Variants in IFT122 observed in about 807,000 individuals in gnomAD.
The protein encoded by IFT122 is intraflagellar transport 122.
In IFT122, 118 loss-of-function variants were observed where a neutral mutation model predicts 161.6. The ratio of observed to expected loss-of-function variants is 0.73; its 90% CI spans 0.63 to 0.85. IFT122 has a LOEUF of 0.85. IFT122 is among the 40% of genes least tolerant of loss of function. IFT122 has a pLI of 0.00. For missense variants in IFT122, 1,381 were observed against 1,579.6 expected (o/e 0.87, Z 2.13); for synonymous variants, 550 against 602.4 (o/e 0.91, Z 1.27).
At chr3:129,469,293 A>G (rs1024705335) in intron 8 of IFT122, 49 bp from the exon 9 acceptor site, 1 of 1,483,134 alleles carries the variant, frequency 6.7e-7, no homozygotes, top group Non-Finnish European at 9.4e-7. Flanking sequence ...AGCTATACTC[A>G]TCAGCAGGCT....
At chr3:129,479,327 C>T (rs1413033834) in intron 12 of IFT122, among the ~76,000 whole-genome samples, 2 of 151,108 alleles carry the variant, frequency 1.3e-5, no homozygotes, top group East Asian at 1.9e-4. Flanking sequence ...GTCCCAGCTA[C>T]TTGGGAGGCT....
intron 13 of IFT122, 143 bp downstream of exon 13, chr3:129,480,065 T>G (rs2078455832): frequency 1.8e-6 from 2 of 1,087,916 alleles, no homozygotes; most frequent in African/African-American, 3.1e-5. Context: ...GCAGCCTGAG[T>G]TCAGTTTTTT....
chr3:129,456,280 T>G, intron 3 of IFT122: 1 of 1,249,260 alleles, frequency 8.0e-7, no homozygotes, highest in South Asian at 1.3e-5. Context: ...AGCAGTTTCT[T>G]TGTTTATTTA....
intron 26 of IFT122, among the ~76,000 whole-genome samples, chr3:129,516,294 ACACACACACACACAGAGACTGCCCCTG>A (rs1173016231): frequency 3.1e-5 from 4 of 127,696 alleles, no homozygotes; most frequent in African/African-American, 1.3e-4. Context: ...CTGCACACAC[ACACACACACACACAGAGACTGCCCCTG>A]CACACACACA....
intron 1 of IFT122, among the ~76,000 whole-genome samples, chr3:129,446,656 A>G (rs556495210): frequency 1.3e-5 from 2 of 152,286 alleles, no homozygotes; most frequent in East Asian, 3.9e-4. Flanking sequence ...TTGAAGTCTC[A>G]TGTTTCACTA....
chr3:129,519,485 A>G, intron 28 of IFT122, 83 bp from the exon 29 acceptor site: 1 of 1,577,022 alleles, frequency 6.3e-7, no homozygotes, highest in African/African-American at 1.3e-5. Flanking sequence ...CACCACTGCC[A>G]AAGATTCCAG....
intron 13 of IFT122, chr3:129,481,301 C>T: frequency 1.9e-6 from 1 of 520,394 alleles, no homozygotes; most frequent in East Asian, 3.7e-5. Flanking sequence ...TGTCTCAGGG[C>T]TGTCATTACT....
intron 12 of IFT122, 106 bp from the exon 13 acceptor site, chr3:129,479,679 G>T: frequency 7.4e-7 from 1 of 1,355,226 alleles, no homozygotes; most frequent in Non-Finnish European, 1.1e-6. Context: ...GATGGATACT[G>T]AATGTGTAGG....
chr3:129,478,518 A>G (rs986821083), intron 12 of IFT122, among the ~76,000 whole-genome samples: 2 of 152,190 alleles, frequency 1.3e-5, no homozygotes, highest in African/African-American at 4.8e-5. Flanking sequence ...GCAGTGGCAC[A>G]ATTATGGCTC....
At chr3:129,458,940 C>T (rs2075842275) in intron 4 of IFT122, among the ~76,000 whole-genome samples, 1 of 152,124 alleles carries the variant, frequency 6.6e-6, no homozygotes, top group Admixed American at 6.5e-5. Context: ...TAGACTTTAT[C>T]CCACCCCCAA....
chr3:129,498,095 G>A (rs979805891), intron 18 of IFT122, among the ~76,000 whole-genome samples: 1 of 152,246 alleles, frequency 6.6e-6, no homozygotes, highest in Non-Finnish European at 1.5e-5. Context: ...CATGGCCCCA[G>A]ATAATGTGTA....
chr3:129,500,202 A>G, intron 19 of IFT122, 134 bp downstream of exon 19: 1 of 1,076,258 alleles, frequency 9.3e-7, no homozygotes, highest in Non-Finnish European at 1.4e-6. Context: ...TCTTCAGGAG[A>G]CACAGAGATT....
At chr3:129,479,722 T>A in intron 12 of IFT122, 63 bp from the exon 13 acceptor site, 1 of 1,601,236 alleles carries the variant, frequency 6.2e-7, no homozygotes. Context: ...AAAGATCTCC[T>A]TGGGGAGGTC....
intron 29 of IFT122, 101 bp downstream of exon 29, chr3:129,519,833 T>C: frequency 7.3e-7 from 1 of 1,370,082 alleles, no homozygotes; most frequent in South Asian, 1.2e-5. Context: ...GAGGGGCACA[T>C]CCATGGCTCC....
At position 129,486,223 on chromosome 3, in the gene IFT122, C is replaced by T. The variant is rs113067878; in HGVS notation, c.1852-2034C>T. Among the ~76,000 whole-genome samples, 628 of 152,320 alleles carry T rather than the reference C, an allele frequency of 4.1e-3. 5 individuals are homozygous for T. The highest frequency in any genetic ancestry group is 0.015 in the African/African-American group (610 of 41,578). ...TATGCCTGCCTGAGTGCCTGTCCCA[C>T]TCACGGGGCAGTCAGCATGGCAAGC... On this transcript the variant is annotated intron_variant, in intron 15 of 29. Transcript: ENST00000348417.
chr3:129,448,160 C>A (rs1431149275), intron 1 of IFT122, among the ~76,000 whole-genome samples: 1 of 152,114 alleles, frequency 6.6e-6, no homozygotes, highest in Non-Finnish European at 1.5e-5. Context: ...GCTGTTGAAG[C>A]GGCGTCATTG....
intron 16 of IFT122, among the ~76,000 whole-genome samples, chr3:129,491,371 G>A (rs1186251807): frequency 6.6e-6 from 1 of 152,204 alleles, no homozygotes; most frequent in Non-Finnish European, 1.5e-5. Flanking sequence ...CCTGAAAGCA[G>A]CCTGACCTGG....
At chr3:129,454,754 C>T (rs1169943861) in intron 3 of IFT122, among the ~76,000 whole-genome samples, 3 of 152,096 alleles carry the variant, frequency 2.0e-5, no homozygotes, top group African/African-American at 7.2e-5. Flanking sequence ...TAGCAGGGCT[C>T]TTTGACCTGC....
intron 21 of IFT122, among the ~76,000 whole-genome samples, chr3:129,505,196 A>G (rs910328563): frequency 6.6e-6 from 1 of 152,206 alleles, no homozygotes; most frequent in Non-Finnish European, 1.5e-5. Flanking sequence ...CCAAGTCACA[A>G]ATCTAGTCAG....
Sources: allele counts gnomAD v4.1 joint callset (sites outside exome capture counted in the v4.1 genomes callset), GRCh38; gene constraint gnomAD v4.1.1; transcripts MANE v1.5; gene names NCBI Gene and HGNC (gene_info 2026-07-23, HGNC 2026-07-21).